CHN1: variants seen among roughly 807,000 people sequenced by gnomAD.
CHN1 encodes chimerin 1, also known as N-chimaerin.
A neutral mutation model predicts 59.5 loss-of-function variants in CHN1; 37 were observed. That is an observed-to-expected ratio of 0.62 (90% CI 0.48 to 0.82). The LOEUF is 0.82. Ranked by LOEUF, CHN1 falls within the 40% of genes least tolerant of loss-of-function variation. The probability of loss-of-function intolerance (pLI) is 0.00; values close to 1 mark genes in which losing one functional copy is unlikely to be tolerated. For missense variants in CHN1, 469 were observed against 571.0 expected (o/e 0.82, Z 1.82); for synonymous variants, 206 against 200.4 (o/e 1.03, Z -0.24).
At chr2:174,840,506 T>A (rs927307109) in intron 7 of CHN1, among the ~76,000 whole-genome samples, 3 of 152,072 alleles carry the variant, frequency 2.0e-5, no homozygotes, top group Non-Finnish European at 4.4e-5. Context: ...CTCATTATAT[T>A]GACATTTGCT....
At chr2:174,998,696 C>G (rs1049628995) in intron 1 of CHN1, among the ~76,000 whole-genome samples, 1 of 152,174 alleles carries the variant, frequency 6.6e-6, no homozygotes, top group African/African-American at 2.4e-5. Flanking sequence ...GGTATTGGCT[C>G]TTTCCAAGAA....
At chr2:174,936,628 A>T (rs149517164) in intron 3 of CHN1, among the ~76,000 whole-genome samples, 303 of 152,278 alleles carry the variant, frequency 2.0e-3, no homozygotes, top group African/African-American at 7.2e-3. Flanking sequence ...TTTTTTATAT[A>T]CTGCATTTCA....
intron 6 of CHN1, among the ~76,000 whole-genome samples, chr2:174,849,684 T>C (rs1686662221): frequency 6.6e-6 from 1 of 152,182 alleles, no homozygotes; most frequent in Admixed American, 6.6e-5. Context: ...TTATTAGTTA[T>C]TGAGTACATA....
chr2:174,862,717 T>A (rs568133918), intron 6 of CHN1, among the ~76,000 whole-genome samples: 13 of 152,340 alleles, frequency 8.5e-5, no homozygotes, highest in Admixed American at 6.5e-4. Flanking sequence ...TCCTGTAGCT[T>A]ACATTAAATT....
intron 8 of CHN1, among the ~76,000 whole-genome samples, chr2:174,813,276 T>C (rs947772883): frequency 6.6e-6 from 1 of 152,128 alleles, no homozygotes; most frequent in African/African-American, 2.4e-5. Context: ...TTTAAAAATG[T>C]TTACTGTTTA....
At chr2:174,816,550 G>A (rs916935221) in intron 8 of CHN1, among the ~76,000 whole-genome samples, 4 of 152,190 alleles carry the variant, frequency 2.6e-5, no homozygotes, top group African/African-American at 9.6e-5. Flanking sequence ...ATCTCTGCCA[G>A]GTGGCATTTA....
chr2:174,986,156 G>T (rs560870695), intron 1 of CHN1, among the ~76,000 whole-genome samples: 1 of 152,202 alleles, frequency 6.6e-6, no homozygotes, highest in African/African-American at 2.4e-5. Context: ...ATGCCACAGA[G>T]ATATATTATG....
chr2:174,877,948 T>A lies in CHN1; in HGVS notation c.441A>T (p.Gly147=). 1 of 1,613,964 alleles carries A rather than the reference T, an allele frequency of 6.2e-7. No individual in the cohort carries two copies. Among genetic ancestry groups the A allele is most frequent in the Non-Finnish European group, 8.5e-7 (1 of 1,179,864 alleles). ...MTINPIYEHV[G]YTTLNREPAY... ...CTGGCTCTCTGTTTAAGGTTGTGTA[T>A]CCTACGTGCTCATAAATTGGGTTTA... The change falls in exon 6 of 13, where the codon GGA becomes GGT. Residue 147 remains glycine, a synonymous_variant. Transcript: ENST00000409900.
rs535998659 is a variant in CHN1, at chr2:174,955,962, G to A, written c.20-3760C>T. On this transcript the variant is annotated intron_variant, in intron 1 of 12. Coordinates refer to ENST00000409900, the MANE Select transcript of CHN1 (RefSeq NM_001822.7). Reference sequence around the variant, plus strand: ...GCTCACTGCCAGGGTGACAGGACCTGTACTCCAAACCTCAGCATCATGCAA... The same window carrying A: ...GCTCACTGCCAGGGTGACAGGACCTATACTCCAAACCTCAGCATCATGCAA... 4.6e-5 allele frequency among the ~76,000 whole-genome samples: 7 copies of A among 152,276 alleles called. No individual in the cohort carries two copies. In the South Asian group the frequency reaches 1.5e-3, roughly 32 times the overall value.
chr2:174,876,522 T>G (rs1353236511), intron 6 of CHN1, among the ~76,000 whole-genome samples: 5 of 152,204 alleles, frequency 3.3e-5, no homozygotes, highest in Non-Finnish European at 7.4e-5. Context: ...GATTTTAAGT[T>G]CTGGCTACTT....
At chr2:174,859,138 T>C (rs1218077993) in intron 6 of CHN1, among the ~76,000 whole-genome samples, 1 of 152,076 alleles carries the variant, frequency 6.6e-6, no homozygotes, top group African/African-American at 2.4e-5. Context: ...CCTTGTCCAC[T>C]AAAATGCCCC....
At chr2:174,990,200 T>C (rs921359517) in intron 1 of CHN1, among the ~76,000 whole-genome samples, 5 of 151,158 alleles carry the variant, frequency 3.3e-5, no homozygotes, top group Admixed American at 1.3e-4. Flanking sequence ...ATTGGCAGAC[T>C]TGGTGTGTGC....
At position 174,812,314 on chromosome 2, in the gene CHN1, G is replaced by C; in HGVS notation, c.881C>G (p.Ser294Cys). Residue 294 changes from serine to cysteine, a missense_variant, in exon 9 of 13, where the codon TCT becomes TGT. Ser to Cys is a moderately radical substitution (Grantham distance 112, BLOSUM62 -1). Around this residue, in one of 5 missense-constraint regions of CHN1, gnomAD observed 225 missense variants for 289.9 expected, o/e 0.78. Coordinates refer to ENST00000409900, the MANE Select transcript of CHN1 (RefSeq NM_001822.7). ...CCGCACTGCAAATGGCTCACCTCTA[G>C]ACTCAATCTCCCTGATGCACATGTC... Reference protein sequence around the residue: ...VVDMCIREIESRGLNSEGLYR... With the variant: ...VVDMCIREIECRGLNSEGLYR... The C allele has an allele frequency of 1.2e-6, 2 of 1,612,022 alleles. No individual in the cohort carries two copies. The highest frequency in any genetic ancestry group is 1.7e-6 in the Non-Finnish European group (2 of 1,178,472).
intron 1 of CHN1, among the ~76,000 whole-genome samples, chr2:174,955,568 C>T (rs1202672338): frequency 6.6e-6 from 1 of 151,842 alleles, no homozygotes; most frequent in Admixed American, 6.6e-5. Flanking sequence ...ACCAAATTCT[C>T]AGAAATCACC....
chr2:174,855,017 AG>A (rs1392980940), intron 6 of CHN1, among the ~76,000 whole-genome samples: 7 of 152,208 alleles, frequency 4.6e-5, no homozygotes, highest in African/African-American at 1.7e-4. Context: ...TCCTGCTTAT[AG>A]GAAAGGGTCT....
intron 6 of CHN1, among the ~76,000 whole-genome samples, chr2:174,851,820 T>C (rs563991809): frequency 8.2e-4 from 125 of 152,304 alleles, no homozygotes; most frequent in African/African-American, 2.8e-3. Flanking sequence ...TTTCTCTTCA[T>C]TGACAATATG....
intron 2 of CHN1, among the ~76,000 whole-genome samples, chr2:174,947,413 T>C (rs574674427): frequency 6.6e-6 from 1 of 152,298 alleles, no homozygotes; most frequent in East Asian, 1.9e-4. Context: ...GAGGAACTTT[T>C]AGACAAATGC....
chr2:174,873,121 A>C (rs1687461610), intron 6 of CHN1, among the ~76,000 whole-genome samples: 1 of 152,102 alleles, frequency 6.6e-6, no homozygotes, highest in Non-Finnish European at 1.5e-5. Flanking sequence ...CTTCCTCATA[A>C]ATTACTAAAC....
intron 6 of CHN1, chr2:174,875,737 C>T (rs1687546520): frequency 1.3e-6 from 1 of 786,488 alleles, no homozygotes; most frequent in Non-Finnish European, 1.5e-6. Context: ...TTAAACCATA[C>T]TAGTGTCAAT....
Sources: gnomAD v4.1 joint callset for allele counts (sites outside exome capture counted in the v4.1 genomes callset) on GRCh38, gnomAD v4.1.1 for gene constraint, gnomAD v4.1.1 regional missense constraint, MANE v1.5 for transcripts, NCBI Gene and HGNC (gene_info 2026-07-23, HGNC 2026-07-21) for gene names.